TMEM178B: variants seen among roughly 807,000 people sequenced by gnomAD.
TMEM178B encodes transmembrane protein 178B.
Under a neutral mutation model 31.0 loss-of-function variants are expected in TMEM178B, and 5 were observed. The observed-to-expected ratio is 0.16, with a 90% confidence interval of 0.08 to 0.34. The LOEUF (loss-of-function observed/expected upper bound fraction) is 0.34, where lower values mean the gene tolerates loss of function less well. Ranked by LOEUF, TMEM178B falls within the 10% of genes least tolerant of loss-of-function variation. The pLI is 1.00. For missense variants in TMEM178B, 275 were observed against 400.3 expected (o/e 0.69, Z 2.67); for synonymous variants, 164 against 164.0 (o/e 1.00, Z 0.00).
At chr7:141,470,421 TCCTACTCAAGA>T in intron 3 of TMEM178B, 104 bp from the exon 4 acceptor site, 1 of 1,141,622 alleles carries the variant, frequency 8.8e-7, no homozygotes, top group Admixed American at 3.1e-5. Context: ...TTCCCATTTT[TCCTACTCAAGA>T]AAATTGAAAA....
intron 2 of TMEM178B, among the ~76,000 whole-genome samples, chr7:141,282,360 T>A (rs948879266): frequency 2.6e-5 from 4 of 152,202 alleles, no homozygotes; most frequent in African/African-American, 9.7e-5. Flanking sequence ...AGAAACAGAC[T>A]GCAGTGGTTG....
At chr7:141,096,726 C>T (rs957776558) in intron 1 of TMEM178B, among the ~76,000 whole-genome samples, 7 of 152,176 alleles carry the variant, frequency 4.6e-5, no homozygotes, top group African/African-American at 1.2e-4. Flanking sequence ...TCTCTGAATT[C>T]TGTGAGCTGC....
At chr7:141,132,538 A>G (rs1033295609) in intron 1 of TMEM178B, among the ~76,000 whole-genome samples, 2 of 152,138 alleles carry the variant, frequency 1.3e-5, no homozygotes, top group Non-Finnish European at 2.9e-5. Context: ...GGGTCTGGAA[A>G]TAGCCTCTGA....
intron 2 of TMEM178B, among the ~76,000 whole-genome samples, chr7:141,335,295 G>A (rs1240731153): frequency 2.6e-5 from 4 of 152,160 alleles, no homozygotes; most frequent in Non-Finnish European, 2.9e-5. Flanking sequence ...CCTGACCTAC[G>A]CACTGAGGTC....
chr7:141,308,395 C>A (rs1308506617), intron 2 of TMEM178B, among the ~76,000 whole-genome samples: 1 of 152,084 alleles, frequency 6.6e-6, no homozygotes, highest in East Asian at 1.9e-4. Flanking sequence ...AAAGCAGAAC[C>A]ATTTGTGTGT....
chr7:141,244,536 C>T (rs140000225), intron 2 of TMEM178B, among the ~76,000 whole-genome samples: 17 of 152,326 alleles, frequency 1.1e-4, no homozygotes, highest in African/African-American at 4.1e-4. Context: ...AAACGGATGG[C>T]TCCAGGCTTT....
At position 141,321,376 on chromosome 7, in the gene TMEM178B, G is replaced by A. The variant is rs573141405; in HGVS notation, c.496+108672G>A. ...TAACGTGTCAACACCTGTGTGCACA[G>A]TAGGACTTCAAGTGACATTTGTTGG... is the stretch of plus-strand genomic sequence containing the variant. On this transcript the variant is annotated intron_variant, in intron 2 of 3. Coordinates refer to ENST00000565468, the MANE Select transcript of TMEM178B (RefSeq NM_001195278.2). 7.9e-5 allele frequency among the ~76,000 whole-genome samples: 12 copies of A among 152,316 alleles called. No individual in the cohort carries two copies. The South Asian group carries it at 2.3e-3, about 29-fold the overall frequency.
At chr7:141,169,959 G>C (rs1796322205) in intron 1 of TMEM178B, among the ~76,000 whole-genome samples, 1 of 152,114 alleles carries the variant, frequency 6.6e-6, no homozygotes, top group African/African-American at 2.4e-5. Context: ...CATAAATTAA[G>C]ATTTTTCTTC....
chr7:141,192,174 C>A lies in TMEM178B; in HGVS notation c.383-20417C>A, dbSNP rs546650202. Among the ~76,000 whole-genome samples the A allele has an allele frequency of 7.2e-5, 11 of 152,186 alleles. No individual in the cohort carries two copies. The South Asian group carries it at 1.2e-3, about 17-fold the overall frequency. On this transcript the variant is annotated intron_variant, in intron 1 of 3. Transcript: ENST00000565468. ...TGAGCTGGATTTTCTGAATTCTGGC[C>A]CAGTTCTTCTATCACCTAGGCAACA...
chr7:141,265,198 G>C lies in TMEM178B; in HGVS notation c.496+52494G>C, dbSNP rs552850880. Among the ~76,000 whole-genome samples the C allele has an allele frequency of 2.6e-5, 4 of 152,214 alleles. No individual in the cohort carries two copies. The East Asian group carries it at 7.7e-4, about 29-fold the overall frequency. ...GATAAACCTCTGGTTTCCTGGTTTG[G>C]TCTTTCATGTGTTTATTTCAAAAGT... On this transcript the variant is annotated intron_variant, in intron 2 of 3. Coordinates refer to ENST00000565468, the MANE Select transcript of TMEM178B (RefSeq NM_001195278.2).
At chr7:141,256,617 A>C (rs939584279) in intron 2 of TMEM178B, among the ~76,000 whole-genome samples, 1 of 152,180 alleles carries the variant, frequency 6.6e-6, no homozygotes, top group Non-Finnish European at 1.5e-5. Context: ...AGAGTTTTGC[A>C]TGGGGAACTG....
chr7:141,386,874 T>G (rs1022190534), intron 2 of TMEM178B, among the ~76,000 whole-genome samples: 3 of 151,994 alleles, frequency 2.0e-5, no homozygotes, highest in Non-Finnish European at 4.4e-5. Flanking sequence ...GCAGCCGGGG[T>G]TTGGGGGTTC....
At chr7:141,214,394 T>G (rs895241869) in intron 2 of TMEM178B, among the ~76,000 whole-genome samples, 9 of 152,156 alleles carry the variant, frequency 5.9e-5, no homozygotes, top group Non-Finnish European at 1.0e-4. Context: ...TTTAGGGAGC[T>G]CTAGTTCAGG....
intron 2 of TMEM178B, among the ~76,000 whole-genome samples, chr7:141,315,818 C>A (rs1247710263): frequency 6.6e-6 from 1 of 152,174 alleles, no homozygotes; most frequent in African/African-American, 2.4e-5. Context: ...GGACTTCTAC[C>A]TTATTTTAAT....
chr7:141,228,745 C>T lies in TMEM178B; in HGVS notation c.496+16041C>T, dbSNP rs146796891. ...GTGGAGGAGCAGCCAGCTGTCTCCC[C>T]GGCTTGTATCATTTTCCTCCATTCG... On this transcript the variant is annotated intron_variant, in intron 2 of 3. Transcript: ENST00000565468. Among the ~76,000 whole-genome samples, 179 of 152,242 alleles carry T rather than the reference C, an allele frequency of 1.2e-3. 1 individual carries two copies. Among genetic ancestry groups the T allele is most frequent in the African/African-American group, 4.1e-3 (172 of 41,542 alleles).
rs1389486368 is a variant in TMEM178B at position 141,252,292 on chromosome 7, CA to C, written c.496+39589del. On this transcript the variant is annotated intron_variant, in intron 2 of 3. Coordinates refer to ENST00000565468, the MANE Select transcript of TMEM178B (RefSeq NM_001195278.2). ...GCTGCCTGTAATGGTGAGGACTGGA[CA>C]GGGGGTCTCTTCTTGCTATTTTGGG... is the stretch of plus-strand genomic sequence containing the variant. Among the ~76,000 whole-genome samples, 4 of 152,278 alleles carry C rather than the reference CA, an allele frequency of 2.6e-5. No individual in the cohort carries two copies. The East Asian group carries it at 5.8e-4, about 22-fold the overall frequency.
the TMEM178B span, among the ~76,000 whole-genome samples, chr7:141,507,900 A>T: frequency 2.0e-5 from 3 of 152,236 alleles, no homozygotes; most frequent in African/African-American, 7.2e-5. Flanking sequence ...CTCTGGGCCT[A>T]TGATGGGAAG....
rs570424831 is a variant in TMEM178B at position 141,122,957 on chromosome 7, C to T, written c.382+48265C>T. On this transcript the variant is annotated intron_variant, in intron 1 of 3. Transcript: ENST00000565468. Reference sequence around the variant, plus strand: ...AAAAAGAAGAAAAACATTCTCAAAGCTGGAAATTCCAGTTGTGGTCAGCCA... The same window carrying T: ...AAAAAGAAGAAAAACATTCTCAAAGTTGGAAATTCCAGTTGTGGTCAGCCA... 2.0e-5 allele frequency among the ~76,000 whole-genome samples: 3 copies of T among 152,318 alleles called. 1 individual carries two copies. Among genetic ancestry groups the T allele is most frequent in the African/African-American group, 7.2e-5 (3 of 41,578 alleles).
At chr7:141,334,637 A>G (rs1043409452) in intron 2 of TMEM178B, among the ~76,000 whole-genome samples, 4 of 152,202 alleles carry the variant, frequency 2.6e-5, no homozygotes, top group Admixed American at 2.6e-4. Context: ...GTAGGTGAAG[A>G]AAGCCCCACA....
Sources: allele counts gnomAD v4.1 joint callset (sites outside exome capture counted in the v4.1 genomes callset), GRCh38; gene constraint gnomAD v4.1.1; transcripts MANE v1.5; gene names NCBI Gene and HGNC (gene_info 2026-07-23, HGNC 2026-07-21).